Variants in CCL24 observed in about 807,000 individuals in gnomAD.
The protein encoded by CCL24 is C-C motif chemokine ligand 24.
Under a neutral mutation model 8.6 loss-of-function variants are expected in CCL24, and 6 were observed. The observed-to-expected ratio is 0.70, with a 90% confidence interval of 0.38 to 1.38. CCL24 has a LOEUF of 1.38. Among genes scored for constraint, CCL24 ranks in the 40% most tolerant of loss-of-function variants. The pLI is 0.02. For missense variants in CCL24, 126 were observed against 147.1 expected (o/e 0.86, Z 0.74); for synonymous variants, 59 against 52.7 (o/e 1.12, Z -0.52).
At position 75,811,816 on chromosome 7, in the gene CCL24, C is replaced by T; in HGVS notation, c.340G>A (p.Gly114Ser). 1.2e-6 allele frequency: 2 copies of T among 1,613,354 alleles called. No individual in the cohort carries two copies. The highest frequency in any genetic ancestry group is 3.3e-4 in the Middle Eastern group (2 of 6,052). The change falls in exon 3 of 3, where the codon GGC (glycine) becomes AGC (serine). Residue 114 changes from glycine to serine, a missense_variant. Coordinates refer to ENST00000222902, the MANE Select transcript of CCL24 (RefSeq NM_002991.3). ...AVKGPVQRYPGNQTTC is the reference protein window; with the variant it reads ...AVKGPVQRYPSNQTTC The stretch of plus-strand genomic sequence containing the variant: ...GGGGATTAGCAGGTGGTTTGGTTGC[C>T]AGGATATCTCTGGACAGGGCCCTTG...
At position 75,813,362 on chromosome 7, in the gene CCL24, G is replaced by A; in HGVS notation, c.135C>T (p.Asn45=). 6.2e-7 allele frequency: 1 copy of A among 1,613,776 alleles called. No homozygotes were observed. The highest frequency in any genetic ancestry group is 8.5e-7 in the Non-Finnish European group (1 of 1,179,850). Residue 45 remains asparagine (N), a synonymous_variant, in exon 2 of 3, where the codon AAC becomes AAT. Coordinates refer to ENST00000222902, the MANE Select transcript of CCL24 (RefSeq NM_002991.3). ...MFFVSKRIPE[N]RVVSYQLSSR... is the part of the protein sequence containing the mutation. ...TGGACAGCTGGTAGCTGACCACTCGGTTCTCAGGAATTCTCTTGGAAACAA... is the reference window on the plus strand; with the variant it reads ...TGGACAGCTGGTAGCTGACCACTCGATTCTCAGGAATTCTCTTGGAAACAA...
upstream of CCL24, among the ~76,000 whole-genome samples, chr7:75,817,914 T>G (rs1162924504): frequency 2.1e-4 from 32 of 151,704 alleles, no homozygotes; most frequent in African/African-American, 7.5e-4. Flanking sequence ...CACTACAACC[T>G]CCGCCCCCCA....
chr7:75,822,273 T>A (rs1804067323), intron 1 of CCL24, among the ~76,000 whole-genome samples: 1 of 152,122 alleles, frequency 6.6e-6, no homozygotes, highest in Non-Finnish European at 1.5e-5. Flanking sequence ...AGGTAGACAC[T>A]CCTGGGTTTG....
chr7:75,811,883 G>T lies in CCL24; in HGVS notation c.273C>A (p.Ala91=). Residue 91 remains alanine, a synonymous_variant, in exon 3 of 3, where the codon GCC becomes GCA. Coordinates refer to ENST00000222902, the MANE Select transcript of CCL24 (RefSeq NM_002991.3). The part of the protein sequence containing the change: ...WVQRYMKNLD[A]KQKKASPRAR... ...CCCTAGGGGAAGCCTTCTTCTGCTT[G>T]GCGTCCAGGTTCTTCATGTACCTCT... is the stretch of plus-strand genomic sequence containing the variant. 6.2e-7 allele frequency: 1 copy of T among 1,611,742 alleles called. No homozygotes were observed. The highest frequency in any genetic ancestry group is 8.5e-7 in the Non-Finnish European group (1 of 1,179,570).
upstream of CCL24, among the ~76,000 whole-genome samples, chr7:75,817,607 A>G (rs557289334): frequency 6.6e-6 from 1 of 151,558 alleles, no homozygotes; most frequent in Non-Finnish European, 1.5e-5. Flanking sequence ...GGTTCAAGCA[A>G]TTCTCATGCC....
upstream of CCL24, among the ~76,000 whole-genome samples, chr7:75,817,032 T>G (rs1554534241): frequency 6.6e-6 from 1 of 151,950 alleles, no homozygotes; most frequent in Non-Finnish European, 1.5e-5. Flanking sequence ...GCCCAGCTAA[T>G]TTTTTAAATT....
upstream of CCL24, among the ~76,000 whole-genome samples, chr7:75,817,206 C>T (rs935815784): frequency 1.3e-5 from 2 of 152,000 alleles, no homozygotes; most frequent in Non-Finnish European, 2.9e-5. Context: ...TTTTTGCTCC[C>T]CAGTGATTCA....
chr7:75,820,958 T>C (rs958954342), intron 1 of CCL24, among the ~76,000 whole-genome samples: 1 of 151,862 alleles, frequency 6.6e-6, no homozygotes, highest in Non-Finnish European at 1.5e-5. Context: ...CATCCATCCA[T>C]CCATCCCTCA....
chr7:75,816,410 G>A (rs1554534142), upstream of CCL24, among the ~76,000 whole-genome samples: 1 of 152,096 alleles, frequency 6.6e-6, no homozygotes. Context: ...GGCTTCATTA[G>A]CCTGGCACCT....
upstream of CCL24, among the ~76,000 whole-genome samples, chr7:75,815,682 GCT>G (rs1298005391): frequency 1.3e-5 from 2 of 151,972 alleles, no homozygotes; most frequent in African/African-American, 4.8e-5. Flanking sequence ...GTGGGACATG[GCT>G]CCCACCTCAC....
Position 75,811,701 on chromosome 7 carries a change from T to C in CCL24, c.*95A>G. 6 of 1,121,456 alleles carry C rather than the reference T, an allele frequency of 5.4e-6. No homozygotes were observed. Among genetic ancestry groups the C allele is most frequent in the Non-Finnish European group, 7.6e-6 (6 of 787,652 alleles). 69.5% of individuals were successfully genotyped at this position (1,121,456 alleles called of 1,614,324 possible). On this transcript the variant is annotated 3_prime_UTR_variant, in exon 3 of 3. Transcript: ENST00000222902. ...AGAGTGTTGCTAAGAAACAGGAAAATTAGCTCTTCCCCCCATCACTGTGGC... is the reference window on the plus strand; with the variant it reads ...AGAGTGTTGCTAAGAAACAGGAAAACTAGCTCTTCCCCCCATCACTGTGGC...
upstream of CCL24, chr7:75,813,929 G>T: frequency 2.2e-6 from 1 of 452,702 alleles, no homozygotes; most frequent in South Asian, 2.2e-5. Flanking sequence ...TTGTTGTCCC[G>T]TTGTTGCCCA....
rs150165581 is a variant in CCL24, at chr7:75,820,923, T to TCATCCATC, written c.-60+2391_-60+2398dup. Among the ~76,000 whole-genome samples, 318 of 144,342 alleles carry TCATCCATC rather than the reference T, an allele frequency of 2.2e-3. 2 individuals are homozygous for TCATCCATC. The highest frequency in any genetic ancestry group is 4.6e-3 in the East Asian group (22 of 4,768). 94.7% of individuals were successfully genotyped at this position (144,342 alleles called of 152,430 possible). A position where few individuals can be genotyped will look rare whatever the true frequency, so the allele number is the denominator to read the frequency against. On this transcript the variant is annotated intron_variant, in intron 1 of 3. Transcript: ENST00000416943. ...TTAATCCATCCATCTATCCATCAAT[T>TCATCCATC]CATCCATCCATCCATCCATCCATCC... is the stretch of plus-strand genomic sequence containing the variant.
At chr7:75,820,817 AT>A (rs1554534992) in intron 1 of CCL24, among the ~76,000 whole-genome samples, 1 of 56,564 alleles carries the variant, frequency 1.8e-5, no homozygotes, top group Admixed American at 2.8e-4. Context: ...CCATTCACTA[AT>A]CCATCCATCC....
chr7:75,813,787 AG>A lies in CCL24; in HGVS notation c.-73del, dbSNP rs1162952436. On this transcript the variant is annotated 5_prime_UTR_variant, in exon 1 of 3. Coordinates refer to ENST00000222902, the MANE Select transcript of CCL24 (RefSeq NM_002991.3). ...AGGAGGAAAGGACCTAGGGATAAAT[AG>A]CTCGGGTCCTTGCAGAGTACCCCAA... 2 of 1,256,712 alleles carry A rather than the reference AG, an allele frequency of 1.6e-6. No homozygotes were observed. The highest frequency in any genetic ancestry group is 2.9e-5 in the African/African-American group (2 of 67,900). The allele number at this position is 1,256,712 out of a possible 1,614,324, so 77.8% of individuals were successfully genotyped here. A position where few individuals can be genotyped will look rare whatever the true frequency, so the allele number is the denominator to read the frequency against.
At chr7:75,812,385 C>T (rs1366016920) in intron 2 of CCL24, among the ~76,000 whole-genome samples, 6 of 152,228 alleles carry the variant, frequency 3.9e-5, no homozygotes, top group South Asian at 4.2e-4. Context: ...CTGCACGTGG[C>T]CTTCTTATTG....
chr7:75,819,666 T>C (rs900483510), intron 1 of CCL24, among the ~76,000 whole-genome samples: 2 of 151,666 alleles, frequency 1.3e-5, no homozygotes, highest in Non-Finnish European at 2.9e-5. Flanking sequence ...TGAGGAAGGG[T>C]CCCAGAAAGG....
upstream of CCL24, among the ~76,000 whole-genome samples, chr7:75,817,506 A>ATTT (rs35946971): frequency 2.6e-3 from 368 of 143,650 alleles, 7 homozygotes; most frequent in East Asian, 0.014. Context: ...AAAATATCCA[A>ATTT]TTTTTTTTTT....
intron 2 of CCL24, 146 bp downstream of exon 2, chr7:75,813,160 T>C: frequency 1.8e-6 from 1 of 568,802 alleles, no homozygotes; most frequent in Admixed American, 3.0e-5. Flanking sequence ...CCTAGTTTTA[T>C]GGGCAAGGAA....
Sources: gnomAD v4.1 joint callset for allele counts (sites outside exome capture counted in the v4.1 genomes callset) on GRCh38, gnomAD v4.1.1 for gene constraint, MANE v1.5 for transcripts, NCBI Gene and HGNC (gene_info 2026-07-23, HGNC 2026-07-21) for gene names.